The following OR5B3 variants were observed in gnomAD, a reference collection of about 807,000 sequenced individuals.
OR5B3 encodes the protein olfactory receptor 5B3.
For synonymous variants in OR5B3, 150 were observed against 135.0 expected (o/e 1.11, Z -0.77); for missense variants, 430 against 375.4 (o/e 1.15, Z -1.20).
chr11:58,402,983 C>A lies in OR5B3; in HGVS notation c.427G>T (p.Ala143Ser), dbSNP rs555094143. Residue 143 changes from alanine to serine, a missense_variant, in exon 2 of 2, where the codon GCC becomes TCC. Transcript: ENST00000641865. ...AAACCACAGAGGTAGGAGCCTATGG[C>A]CAGACGAGCACACACAGTTGTTGTC... ...TMTTTVCARLAIGSYLCGFLN... is the reference protein window; with the variant it reads ...TMTTTVCARLSIGSYLCGFLN... The A allele has an allele frequency of 6.2e-7, 1 of 1,614,022 alleles. No individual in the cohort carries two copies. The highest frequency in any genetic ancestry group is 1.7e-5 in the Admixed American group (1 of 59,998).
intron 1 of OR5B3, among the ~76,000 whole-genome samples, chr11:58,404,011 T>G (rs558610031): frequency 6.6e-6 from 1 of 152,194 alleles, no homozygotes; most frequent in South Asian, 2.1e-4. Flanking sequence ...TTAAATCAAA[T>G]TGAATACAAC....
Position 58,404,390 on chromosome 11 carries a change from CTAA to C in OR5B3, c.-26-958_-26-956del, listed in dbSNP as rs1855075118. Among the ~76,000 whole-genome samples, 4 of 84,200 alleles carry C rather than the reference CTAA, an allele frequency of 4.8e-5. No homozygotes were observed. The South Asian group carries it at 1.4e-3, about 30-fold the overall frequency. 55.2% of individuals were successfully genotyped at this position (84,200 alleles called of 152,430 possible). A position where few individuals can be genotyped will look rare whatever the true frequency, so the allele number is the denominator to read the frequency against. On this transcript the variant is annotated intron_variant, in intron 1 of 1. Transcript: ENST00000641865. ...AAAAATGCTAGATGTTAAGCACAGC[CTAA>C]TGAGTGCTAGTTATAATATTAAATA...
At chr11:58,404,930 G>A (rs1331211001) in intron 1 of OR5B3, among the ~76,000 whole-genome samples, 4 of 152,012 alleles carry the variant, frequency 2.6e-5, no homozygotes, top group Non-Finnish European at 5.9e-5. Flanking sequence ...TAGATACAAG[G>A]GTTACACGTG....
chr11:58,403,982 C>A (rs1453129139), intron 1 of OR5B3, among the ~76,000 whole-genome samples: 5 of 152,160 alleles, frequency 3.3e-5, no homozygotes, highest in Non-Finnish European at 7.3e-5. Flanking sequence ...GTTCCTAAAT[C>A]TAATGGTCTA....
rs749929698 is a variant in OR5B3 at position 58,402,490 on chromosome 11, T to G, written c.920A>C (p.Lys307Thr). The G allele has an allele frequency of 6.2e-7, 1 of 1,610,018 alleles. No individual in the cohort carries two copies. Among genetic ancestry groups the G allele is most frequent in the Non-Finnish European group, 8.5e-7 (1 of 1,176,338 alleles). The change falls in exon 2 of 2, where the codon AAA becomes ACA. Residue 307 changes from lysine to threonine, a missense_variant. Coordinates refer to ENST00000641865, the MANE Select transcript of OR5B3 (RefSeq NM_001005469.2). ...TTAAACTGACCATCCTACAGACAAT[T>G]TTGCCTTCTCAACAACTTTCTTGAA... Reference protein sequence around the residue: ...SAFKKVVEKAKLSVGWSV With the variant: ...SAFKKVVEKATLSVGWSV
rs1855055094 is a variant in OR5B3 at position 58,403,116 on chromosome 11, T to A, written c.294A>T (p.Gln98His). The A allele has an allele frequency of 6.2e-7, 1 of 1,613,976 alleles. No individual in the cohort carries two copies. The highest frequency in any genetic ancestry group is 8.5e-7 in the Non-Finnish European group (1 of 1,179,970). The change falls in exon 2 of 2, where the codon CAA (glutamine) becomes CAT (histidine). Residue 98 changes from glutamine (Q) to histidine (H), a missense_variant. Transcript: ENST00000641865. ...TGGCAAAAGCTACAAAGATATACAT[T>A]TGAGCAGCACATGCATTGTAAGAGA... The part of the protein sequence containing the change: ...KVISYNACAA[Q>H]MYIFVAFATV...
At position 58,406,496 on chromosome 11, in the gene OR5B3, GT is replaced by G. The variant is rs980758247; in HGVS notation, c.-27+304del. 3.3e-4 allele frequency among the ~76,000 whole-genome samples: 48 copies of G among 147,454 alleles called. No individual in the cohort carries two copies. The East Asian group carries it at 3.8e-3, about 12-fold the overall frequency. On this transcript the variant is annotated intron_variant, in intron 1 of 1. Transcript: ENST00000641865. The stretch of plus-strand genomic sequence containing the variant: ...TTTCACTTGTTTTTGTTTGTTTTTG[GT>G]TTTTTTTTTTACCACTCATGAGAAA...
Position 58,403,107 on chromosome 11 carries a change from G to A in OR5B3, c.303C>T (p.Ile101=). ...TTTCCACAGTGGCAAAAGCTACAAA[G>A]ATATACATTTGAGCAGCACATGCAT... ...SYNACAAQMY[I]FVAFATVENY... Residue 101 remains isoleucine (I), a synonymous_variant, in exon 2 of 2, where the codon ATC becomes ATT. Coordinates refer to ENST00000641865, the MANE Select transcript of OR5B3 (RefSeq NM_001005469.2). 6.2e-7 allele frequency: 1 copy of A among 1,614,120 alleles called. No individual in the cohort carries two copies.
In OR5B3 at chr11:58,403,337, G is replaced by C. The variant is rs1392670148; in HGVS notation, c.73C>G (p.Leu25Val). 2 of 1,612,486 alleles carry C rather than the reference G, an allele frequency of 1.2e-6. No individual in the cohort carries two copies. The highest frequency in any genetic ancestry group is 4.5e-5 in the East Asian group (2 of 44,890). ...TAGATGAAGGGGAACGTTATAAAGA[G>C]GGGAACCTGCAGTTCTGAGTCATTG... ...LTNDSELQVP[L>V]FITFPFIYII... is the part of the protein sequence containing the mutation. The change falls in exon 2 of 2, where the codon CTC (leucine) becomes GTC (valine). Residue 25 changes from leucine to valine, a missense_variant. Transcript: ENST00000641865.
Position 58,403,093 on chromosome 11 carries a change from G to A in OR5B3, c.317C>T (p.Ala106Val). The change falls in exon 2 of 2, where the codon GCC becomes GTC. Residue 106 changes from alanine to valine, a missense_variant. Transcript: ENST00000641865. ...AAQMYIFVAF[A>V]TVENYLLASM... ...GGCCAAGAGGTAATTTTCCACAGTG[G>A]CAAAAGCTACAAAGATATACATTTG... 4 of 1,614,114 alleles carry A rather than the reference G, an allele frequency of 2.5e-6. No individual in the cohort carries two copies. Among genetic ancestry groups the A allele is most frequent in the Non-Finnish European group, 3.4e-6 (4 of 1,179,968 alleles).
rs976344234 is a variant in OR5B3 at position 58,406,804 on chromosome 11, A to G, written c.-30T>C. Reference sequence around the variant, plus strand: ...TTTCTTAGATATAGAAGCTTACCTTACAGCTGGATGAGCAGAAACAGTCAA... The same window carrying G: ...TTTCTTAGATATAGAAGCTTACCTTGCAGCTGGATGAGCAGAAACAGTCAA... On this transcript the variant is annotated 5_prime_UTR_variant, in exon 1 of 2. Coordinates refer to ENST00000641865, the MANE Select transcript of OR5B3 (RefSeq NM_001005469.2). 5 of 152,330 alleles carry G rather than the reference A, an allele frequency of 3.3e-5. No homozygotes were observed. Among genetic ancestry groups the G allele is most frequent in the African/African-American group, 1.2e-4 (5 of 41,572 alleles). 9.4% of individuals were successfully genotyped at this position (152,330 alleles called of 1,614,324 possible). A position where few individuals can be genotyped will look rare whatever the true frequency, so the allele number is the denominator to read the frequency against.
At chr11:58,403,789 T>G (rs1432897518) in intron 1 of OR5B3, among the ~76,000 whole-genome samples, 1 of 152,178 alleles carries the variant, frequency 6.6e-6, no homozygotes, top group Non-Finnish European at 1.5e-5. Flanking sequence ...TACCAAGAAC[T>G]TCTCTAGACA....
In OR5B3 at chr11:58,406,848, C is replaced by T. The variant is rs1377784270; in HGVS notation, c.-74G>A. On this transcript the variant is annotated 5_prime_UTR_variant, in exon 1 of 2. Transcript: ENST00000641865. ...CAGTCAATACAGAATAGTTGTTCTG[C>T]AATCAGAAAATCAGCCATGGAACAT... 4 of 152,126 alleles carry T rather than the reference C, an allele frequency of 2.6e-5. No homozygotes were observed. Among genetic ancestry groups the T allele is most frequent in the Non-Finnish European group, 4.4e-5 (3 of 68,014 alleles). The allele number at this position is 152,126 out of a possible 1,614,324, so 9.4% of individuals were successfully genotyped here.
Position 58,402,976 on chromosome 11 carries a change from C to T in OR5B3, c.434G>A (p.Gly145Asp). The T allele has an allele frequency of 2.5e-6, 4 of 1,614,010 alleles. No homozygotes were observed. Among genetic ancestry groups the T allele is most frequent in the Non-Finnish European group, 3.4e-6 (4 of 1,179,948 alleles). ...TTTVCARLAI[G>D]SYLCGFLNAS... is the part of the protein sequence containing the mutation. ...ATTCAGGAAACCACAGAGGTAGGAGCCTATGGCCAGACGAGCACACACAGT... is the reference window on the plus strand; with the variant it reads ...ATTCAGGAAACCACAGAGGTAGGAGTCTATGGCCAGACGAGCACACACAGT... Residue 145 changes from glycine (G) to aspartate (D), a missense_variant, in exon 2 of 2, where the codon GGC (glycine) becomes GAC (aspartate). Gly to Asp is a moderately conservative substitution (Grantham distance 94). Coordinates refer to ENST00000641865, the MANE Select transcript of OR5B3 (RefSeq NM_001005469.2).
chr11:58,405,086 C>G (rs1482320743), intron 1 of OR5B3, among the ~76,000 whole-genome samples: 1 of 152,048 alleles, frequency 6.6e-6, no homozygotes, highest in Non-Finnish European at 1.5e-5. Flanking sequence ...GTCTATTGTT[C>G]CCATATTTAT....
At position 58,402,657 on chromosome 11, in the gene OR5B3, C is replaced by T. The variant is rs868430076; in HGVS notation, c.753G>A (p.Gly251=). ...SHFIAVGIFY[G]TIIFMYLQPS... ...GTTGTAAGTACATGAAGATAATAGTCCCATAGAAGATGCCGACTGCAATGA... is the reference window on the plus strand; with the variant it reads ...GTTGTAAGTACATGAAGATAATAGTTCCATAGAAGATGCCGACTGCAATGA... The change falls in exon 2 of 2, where the codon GGG becomes GGA. Residue 251 remains glycine, a synonymous_variant. Coordinates refer to ENST00000641865, the MANE Select transcript of OR5B3 (RefSeq NM_001005469.2). 2.5e-6 allele frequency: 4 copies of T among 1,613,928 alleles called. No individual in the cohort carries two copies. The highest frequency in any genetic ancestry group is 3.4e-6 in the Non-Finnish European group (4 of 1,179,940).
At chr11:58,403,654 T>C (rs1297090492) in intron 1 of OR5B3, among the ~76,000 whole-genome samples, 1 of 152,192 alleles carries the variant, frequency 6.6e-6, no homozygotes, top group African/African-American at 2.4e-5. Flanking sequence ...AACTTTTAGA[T>C]ATTATAAATG....
In OR5B3 at chr11:58,403,057, T is replaced by C; in HGVS notation, c.353A>G (p.Tyr118Cys). The change falls in exon 2 of 2, where the codon TAT becomes TGT. Residue 118 changes from tyrosine (Y) to cysteine (C), a missense_variant. Transcript: ENST00000641865. ...VENYLLASMAYDRYAAVCKPL... is the reference protein window; with the variant it reads ...VENYLLASMACDRYAAVCKPL... ...TTTGCACACTGCTGCATAGCGGTCATAGGCCATTGAGGCCAAGAGGTAATT... is the reference window on the plus strand; with the variant it reads ...TTTGCACACTGCTGCATAGCGGTCACAGGCCATTGAGGCCAAGAGGTAATT... The C allele has an allele frequency of 1.2e-6, 2 of 1,614,106 alleles. No homozygotes were observed. The highest frequency in any genetic ancestry group is 1.7e-6 in the Non-Finnish European group (2 of 1,179,960).
At position 58,402,895 on chromosome 11, in the gene OR5B3, A is replaced by G; in HGVS notation, c.515T>C (p.Val172Ala). The change falls in exon 2 of 2, where the codon GTC (valine) becomes GCC (alanine). Residue 172 changes from valine to alanine, a missense_variant. Physicochemically the swap from Val to Ala is moderately conservative, Grantham distance 64 (BLOSUM62 0). Transcript: ENST00000641865. ...FSLSFCKSNE[V>A]HHFFCDIPAV... Reference sequence around the variant, plus strand: ...TGGAATATCACAGAAAAAGTGATGGACTTCATTGGACTTACAGAAAGAGAG... The same window carrying G: ...TGGAATATCACAGAAAAAGTGATGGGCTTCATTGGACTTACAGAAAGAGAG... The G allele has an allele frequency of 1.2e-6, 2 of 1,614,014 alleles. No individual in the cohort carries two copies. Among genetic ancestry groups the G allele is most frequent in the Non-Finnish European group, 1.7e-6 (2 of 1,179,886 alleles).
Sources: allele counts gnomAD v4.1 joint callset (sites outside exome capture counted in the v4.1 genomes callset), GRCh38; gene constraint gnomAD v4.1.1; transcripts MANE v1.5; gene names NCBI Gene and HGNC (gene_info 2026-07-23, HGNC 2026-07-21).